The following SDHAF4 variants were observed in gnomAD, a reference collection of about 807,000 sequenced individuals.
The protein encoded by SDHAF4 is succinate dehydrogenase assembly factor 4, mitochondrial.
Under a neutral mutation model 14.3 loss-of-function variants are expected in SDHAF4, and 14 were observed. The ratio of observed to expected loss-of-function variants is 0.98; its 90% CI spans 0.65 to 1.53. SDHAF4 has a LOEUF of 1.53. Among genes scored for constraint, SDHAF4 ranks in the 40% most tolerant of loss-of-function variants. SDHAF4 has a pLI of 0.00. For synonymous variants in SDHAF4, 63 were observed against 47.3 expected, an observed-to-expected ratio of 1.33 and a Z score of -1.36; for missense variants, 141 against 129.3, an observed-to-expected ratio of 1.09 and a Z score of -0.44.
At chr6:70,593,972 GGT>G (rs899113955), downstream of SDHAF4, among the ~76,000 whole-genome samples, 12 of 152,188 alleles carry the variant, frequency 7.9e-5, no homozygotes, top group African/African-American at 2.7e-4. Context: ...TGGAATTACA[GGT>G]GTGAGACACT....
At chr6:70,590,878 C>T (rs1286252574), downstream of SDHAF4, among the ~76,000 whole-genome samples, 1 of 152,014 alleles carries the variant, frequency 6.6e-6, no homozygotes, top group Non-Finnish European at 1.5e-5. Context: ...CACCTGAAGA[C>T]CCAAAAAAGC....
chr6:70,591,818 T>C (rs894544284), downstream of SDHAF4, among the ~76,000 whole-genome samples: 6 of 151,702 alleles, frequency 4.0e-5, no homozygotes, highest in South Asian at 8.3e-4. Flanking sequence ...CCAAAACTTA[T>C]GTTGAAACTT....
At chr6:70,580,735 A>G (rs981535778) in intron 2 of SDHAF4, among the ~76,000 whole-genome samples, 4 of 152,220 alleles carry the variant, frequency 2.6e-5, no homozygotes, top group Non-Finnish European at 5.9e-5. Flanking sequence ...AGAAGGGCAA[A>G]TATATGATTC....
chr6:70,591,997 A>G (rs1412319117), downstream of SDHAF4, among the ~76,000 whole-genome samples: 1 of 152,222 alleles, frequency 6.6e-6, no homozygotes, highest in Non-Finnish European at 1.5e-5. Flanking sequence ...TTAAGCTGGC[A>G]TGTTAGCATC....
Position 70,567,075 on chromosome 6 carries a change from C to A in SDHAF4, c.64+71C>A. ...GGCCCAGGCGCAGAGAGAAGCGCCTCCCGCGGAGGAAGCCGCGTGTGTCCT... is the reference window on the plus strand; with the variant it reads ...GGCCCAGGCGCAGAGAGAAGCGCCTACCGCGGAGGAAGCCGCGTGTGTCCT... On this transcript the variant is annotated intron_variant, in intron 1 of 2. Coordinates refer to ENST00000370474, the MANE Select transcript of SDHAF4 (RefSeq NM_145267.3). 4 of 1,427,954 alleles carry A rather than the reference C, an allele frequency of 2.8e-6. No individual in the cohort carries two copies. In the South Asian group the frequency reaches 4.9e-5, roughly 18 times the overall value. 88.5% of individuals were successfully genotyped at this position (1,427,954 alleles called of 1,614,324 possible).
downstream of SDHAF4, among the ~76,000 whole-genome samples, chr6:70,591,263 C>T (rs1374668046): frequency 6.6e-6 from 1 of 150,574 alleles, no homozygotes; most frequent in Non-Finnish European, 1.5e-5. Context: ...GTACATACTT[C>T]TCAGTAAGTG....
At chr6:70,576,499 A>T (rs527245651) in intron 1 of SDHAF4, among the ~76,000 whole-genome samples, 3 of 152,184 alleles carry the variant, frequency 2.0e-5, no homozygotes, top group Non-Finnish European at 4.4e-5. Context: ...TAACTTATAC[A>T]TCCCAGAGTT....
chr6:70,595,289 A>C, the SDHAF4 span, among the ~76,000 whole-genome samples: 1 of 152,246 alleles, frequency 6.6e-6, no homozygotes, highest in Non-Finnish European at 1.5e-5. Flanking sequence ...GACAGAATCC[A>C]GTAGGCTGAT....
At chr6:70,567,209 G>C (rs1162323613) in intron 1 of SDHAF4, among the ~76,000 whole-genome samples, 1 of 152,220 alleles carries the variant, frequency 6.6e-6, no homozygotes, top group African/African-American at 2.4e-5. Flanking sequence ...ACTAGAGCGA[G>C]AAAATCGCTA....
chr6:70,572,058 CTTTTTTTTTTTTTTTT>C (rs66688860), intron 1 of SDHAF4, among the ~76,000 whole-genome samples: 3 of 53,510 alleles, frequency 5.6e-5, no homozygotes, highest in South Asian at 8.4e-4. Flanking sequence ...CTTTTTTTGT[CTTTTTTTTTTTTTTTT>C]TTTTTTTTTT....
At chr6:70,598,107 G>T in the SDHAF4 span, among the ~76,000 whole-genome samples, 1 of 152,160 alleles carries the variant, frequency 6.6e-6, no homozygotes, top group African/African-American at 2.4e-5. Flanking sequence ...GCCGGATGTC[G>T]TGGCTCATAA....
chr6:70,567,099 C>A, intron 1 of SDHAF4, 95 bp downstream of exon 1: 1 of 1,285,788 alleles, frequency 7.8e-7, no homozygotes. Context: ...CGCGTGTGTC[C>A]TGGCCGTTCG....
downstream of SDHAF4, among the ~76,000 whole-genome samples, chr6:70,591,387 A>G (rs1215353199): frequency 7.7e-6 from 1 of 129,232 alleles, no homozygotes; most frequent in African/African-American, 3.0e-5. Context: ...GCTGGACTAC[A>G]GTGGCACAAT....
chr6:70,568,955 C>CTTTTTT (rs1802141147), intron 1 of SDHAF4, among the ~76,000 whole-genome samples: 1 of 99,438 alleles, frequency 1.0e-5, no homozygotes, highest in Non-Finnish European at 1.9e-5. Context: ...ATACCTCTTT[C>CTTTTTT]TTTTTTCTTT....
chr6:70,576,638 G>T lies in SDHAF4; in HGVS notation c.65-2776G>T, dbSNP rs1166932542. ...AAACAAGGTAGGGTTATGTAGTGAT[G>T]ACTAGAATATGAGAAAAATATGTGT... is the stretch of plus-strand genomic sequence containing the variant. On this transcript the variant is annotated intron_variant, in intron 1 of 2. Transcript: ENST00000370474. 2.6e-5 allele frequency among the ~76,000 whole-genome samples: 4 copies of T among 152,174 alleles called. No homozygotes were observed. In the East Asian group the frequency reaches 7.7e-4, roughly 29 times the overall value.
chr6:70,568,399 A>G (rs1440600209), intron 1 of SDHAF4, among the ~76,000 whole-genome samples: 4 of 152,192 alleles, frequency 2.6e-5, no homozygotes, highest in African/African-American at 9.7e-5. Context: ...AATAGTCTCT[A>G]TTGCCAAGGA....
At chr6:70,582,039 C>A (rs9455168) in intron 2 of SDHAF4, among the ~76,000 whole-genome samples, 32,222 of 151,932 alleles carry the variant, frequency 0.21, 3,777 homozygotes, top group African/African-American at 0.3. Context: ...CCTAAGTATT[C>A]CAAGGGAGAT....
At chr6:70,576,275 C>T (rs1034957180) in intron 1 of SDHAF4, among the ~76,000 whole-genome samples, 9 of 152,206 alleles carry the variant, frequency 5.9e-5, no homozygotes, top group African/African-American at 2.2e-4. Context: ...TACCTGACTA[C>T]AAAAATAGTT....
rs1765235706 is a variant in SDHAF4, at chr6:70,589,107, A to T, written c.*383A>T. ...AAGAGCGAAACTCCGTCTCAAAAAA[A>T]AAGATAGGAAAGGGAAAATATTTTT... On this transcript the variant is annotated 3_prime_UTR_variant, in exon 3 of 3. Transcript: ENST00000370474. 6.5e-6 allele frequency: 1 copy of T among 153,756 alleles called. No homozygotes were observed. Among genetic ancestry groups the T allele is most frequent in the Non-Finnish European group, 1.4e-5 (1 of 69,266 alleles). 9.5% of individuals were successfully genotyped at this position (153,756 alleles called of 1,614,324 possible). A position where few individuals can be genotyped will look rare whatever the true frequency, so the allele number is the denominator to read the frequency against.
Sources: gnomAD v4.1 joint callset for allele counts (sites outside exome capture counted in the v4.1 genomes callset) on GRCh38, gnomAD v4.1.1 for gene constraint, MANE v1.5 for transcripts, NCBI Gene and HGNC (gene_info 2026-07-23, HGNC 2026-07-21) for gene names.